The following ZNF257 variants were observed in gnomAD, a reference collection of about 807,000 sequenced individuals.
ZNF257 encodes bone marrow zinc finger 4.
Under a neutral mutation model 11.9 loss-of-function variants are expected in ZNF257, and 12 were observed. That is an observed-to-expected ratio of 1.01 (90% CI 0.65 to 1.63). The LOEUF (loss-of-function observed/expected upper bound fraction) is 1.63, where lower values mean the gene tolerates loss of function less well. Ranked by LOEUF, ZNF257 falls within the 40% of genes most tolerant of loss-of-function variation. The pLI is 0.00. For synonymous variants in ZNF257, 183 were observed against 222.7 expected, an observed-to-expected ratio of 0.82 and a Z score of 1.59; for missense variants, 580 against 665.5, an observed-to-expected ratio of 0.87 and a Z score of 1.41.
intron 3 of ZNF257, among the ~76,000 whole-genome samples, chr19:22,080,567 G>C (rs533100883): frequency 1.4e-4 from 21 of 151,670 alleles, no homozygotes; most frequent in African/African-American, 5.1e-4. Flanking sequence ...TGTACAGTCT[G>C]CCGAACTGTG....
intron 3 of ZNF257, among the ~76,000 whole-genome samples, chr19:22,080,276 G>A (rs2022328415): frequency 1.3e-5 from 2 of 152,084 alleles, no homozygotes; most frequent in South Asian, 4.1e-4. Flanking sequence ...ACTTCATGCT[G>A]CCATGTAATT....
chr19:22,076,047 C>T (rs1242535755), intron 3 of ZNF257, among the ~76,000 whole-genome samples: 1 of 149,336 alleles, frequency 6.7e-6, no homozygotes, highest in East Asian at 2.0e-4. Context: ...CATTTAGGAG[C>T]AATAAGCTAG....
At chr19:22,081,108 A>G (rs2145713232) in intron 3 of ZNF257, among the ~76,000 whole-genome samples, 1 of 151,808 alleles carries the variant, frequency 6.6e-6, no homozygotes, top group South Asian at 2.1e-4. Flanking sequence ...CGAACTCCTG[A>G]CCTCGTCATC....
In ZNF257 at chr19:22,068,145, T is replaced by A. The variant is rs1262535670; in HGVS notation, c.4-4664T>A. On this transcript the variant is annotated intron_variant, in intron 1 of 3. Coordinates refer to ENST00000594947, the MANE Select transcript of ZNF257 (RefSeq NM_033468.4). The stretch of plus-strand genomic sequence containing the variant: ...AACAAACATTTTTGTACCATCCCAC[T>A]CTCTGTCCCTCTTTTTTTTTTTTTT... Among the ~76,000 whole-genome samples the A allele has an allele frequency of 1.6e-4, 23 of 146,694 alleles. 1 individual carries two copies. The highest frequency in any genetic ancestry group is 1.6e-3 in the Admixed American group (23 of 14,682).
chr19:22,082,401 T>C (rs981096335), intron 3 of ZNF257, among the ~76,000 whole-genome samples: 2 of 152,200 alleles, frequency 1.3e-5, no homozygotes, highest in Non-Finnish European at 2.9e-5. Context: ...CTTGAACTCC[T>C]GGTCCCAAGT....
chr19:22,070,854 T>A (rs2022087248), intron 1 of ZNF257, among the ~76,000 whole-genome samples: 1 of 152,164 alleles, frequency 6.6e-6, no homozygotes, highest in Admixed American at 6.5e-5. Context: ...GGCCCAAAAT[T>A]ACTAAGTGAT....
At chr19:22,081,335 A>G (rs1388354670) in intron 3 of ZNF257, among the ~76,000 whole-genome samples, 2 of 151,966 alleles carry the variant, frequency 1.3e-5, no homozygotes, top group African/African-American at 4.8e-5. Context: ...AGTACTTAGG[A>G]CTACCATAAT....
intron 1 of ZNF257, among the ~76,000 whole-genome samples, chr19:22,069,703 TTTTA>T (rs2022051320): frequency 6.6e-6 from 1 of 152,162 alleles, no homozygotes. Context: ...TTGTTATTAT[TTTTA>T]TTTCTTTTAT....
Position 22,090,251 on chromosome 19 carries a change from C to A in ZNF257, c.*809C>A, listed in dbSNP as rs532361724. The stretch of plus-strand genomic sequence containing the variant: ...TAAACCTTTAAAGTGAAGAAGAGTT[C>A]ATTCTAAAGACAAACATTACAAATA... On this transcript the variant is annotated 3_prime_UTR_variant, in exon 4 of 4. Coordinates refer to ENST00000594947, the MANE Select transcript of ZNF257 (RefSeq NM_033468.4). 6.6e-6 allele frequency: 1 copy of A among 152,140 alleles called. No homozygotes were observed. Among genetic ancestry groups the A allele is most frequent in the South Asian group, 2.1e-4 (1 of 4,824 alleles). 9.4% of individuals were successfully genotyped at this position (152,140 alleles called of 1,614,324 possible).
At chr19:22,080,586 C>CT (rs201559003) in intron 3 of ZNF257, among the ~76,000 whole-genome samples, 118 of 143,578 alleles carry the variant, frequency 8.2e-4, no homozygotes, top group East Asian at 7.3e-3. Flanking sequence ...TGAGCCAAAT[C>CT]TTTTTTTTTT....
rs1377115542 is a variant in ZNF257, at chr19:22,090,594, C to T, written c.*1152C>T. ...TAAGGCACTGACACTTCAGACATTA[C>T]ACTAAATCAGATTGCTGAGTATAGA... On this transcript the variant is annotated 3_prime_UTR_variant, in exon 4 of 4. Transcript: ENST00000594947. The T allele has an allele frequency of 1.3e-5, 2 of 152,130 alleles. No individual in the cohort carries two copies. The highest frequency in any genetic ancestry group is 2.9e-5 in the Non-Finnish European group (2 of 68,012). 9.4% of individuals were successfully genotyped at this position (152,130 alleles called of 1,614,324 possible).
intron 3 of ZNF257, among the ~76,000 whole-genome samples, chr19:22,080,097 A>G (rs55728714): frequency 0.23 from 34,758 of 151,972 alleles, 4,707 homozygotes; most frequent in South Asian, 0.45. Context: ...CTTTCACCTC[A>G]GCATCCCTAG....
At chr19:22,082,120 AT>A (rs1266161499) in intron 3 of ZNF257, among the ~76,000 whole-genome samples, 1 of 152,050 alleles carries the variant, frequency 6.6e-6, no homozygotes, top group Non-Finnish European at 1.5e-5. Context: ...ATACCTCTAC[AT>A]TTTTGTTATT....
At chr19:22,061,497 AC>A (rs1287600825) in intron 1 of ZNF257, among the ~76,000 whole-genome samples, 3 of 152,128 alleles carry the variant, frequency 2.0e-5, no homozygotes, top group African/African-American at 4.8e-5. Context: ...GTATCCTGAA[AC>A]TTTTCTGCAG....
At chr19:22,060,086 C>T (rs2021753322) in intron 1 of ZNF257, among the ~76,000 whole-genome samples, 2 of 152,268 alleles carry the variant, frequency 1.3e-5, no homozygotes, top group South Asian at 4.1e-4. Context: ...GATTCCATGT[C>T]TTTGCCATTG....
intron 1 of ZNF257, among the ~76,000 whole-genome samples, chr19:22,055,607 G>A (rs1463736970): frequency 1.3e-5 from 2 of 152,182 alleles, no homozygotes; most frequent in African/African-American, 2.4e-5. Flanking sequence ...GCCACTCAGT[G>A]GGGCATAGTG....
intron 3 of ZNF257, among the ~76,000 whole-genome samples, chr19:22,074,772 G>A (rs56036277): frequency 0.15 from 23,387 of 151,452 alleles, 1,968 homozygotes; most frequent in Admixed American, 0.22. Flanking sequence ...GCTAATTTAC[G>A]GAGTTTATTT....
At chr19:22,053,090 T>A (rs1208897568) in intron 1 of ZNF257, among the ~76,000 whole-genome samples, 1 of 151,910 alleles carries the variant, frequency 6.6e-6, no homozygotes, top group Non-Finnish European at 1.5e-5. Flanking sequence ...GATTCAAAAA[T>A]CCGGGCGCGG....
In ZNF257 at chr19:22,070,469, C is replaced by T. The variant is rs191551781; in HGVS notation, c.4-2340C>T. 7.8e-3 allele frequency among the ~76,000 whole-genome samples: 1,194 copies of T among 152,220 alleles called. 14 individuals carry two copies. The highest frequency in any genetic ancestry group is 9.4e-3 in the Non-Finnish European group (638 of 68,020). On this transcript the variant is annotated intron_variant, in intron 1 of 3. Transcript: ENST00000594947. ...AGATTATGTCACATAATGTGTTATT[C>T]CCAGCACAGTGCTCCGTAACATCCT...
Sources: allele counts gnomAD v4.1 joint callset (sites outside exome capture counted in the v4.1 genomes callset), GRCh38; gene constraint gnomAD v4.1.1; transcripts MANE v1.5; gene names NCBI Gene and HGNC (gene_info 2026-07-23, HGNC 2026-07-21).